SLCO3A1: variants seen among roughly 807,000 people sequenced by gnomAD.
SLCO3A1 encodes PGE1 transporter.
In SLCO3A1, 27 loss-of-function variants were observed where a neutral mutation model predicts 63.1. That is an observed-to-expected ratio of 0.43 (90% CI 0.32 to 0.59). SLCO3A1 has a LOEUF of 0.59. SLCO3A1 is among the 20% of genes least tolerant of loss of function. The probability of loss-of-function intolerance (pLI) is 0.09; values close to 1 mark genes in which losing one functional copy is unlikely to be tolerated. For synonymous variants in SLCO3A1, 473 were observed against 409.9 expected (o/e 1.15, Z -1.86); for missense variants, 773 against 945.8 (o/e 0.82, Z 2.40).
intron 2 of SLCO3A1, among the ~76,000 whole-genome samples, chr15:92,026,886 C>T (rs1447166422): frequency 6.6e-6 from 1 of 152,146 alleles, no homozygotes; most frequent in Non-Finnish European, 1.5e-5. Flanking sequence ...GTCAGGAGTT[C>T]AAGACCAGCC....
intron 2 of SLCO3A1, among the ~76,000 whole-genome samples, chr15:92,065,588 T>C (rs1382270668): frequency 6.6e-6 from 1 of 152,156 alleles, no homozygotes; most frequent in African/African-American, 2.4e-5. Context: ...AATAATTCAG[T>C]AGAGTTGCCA....
chr15:92,149,276 T>A (rs1051541843), intron 8 of SLCO3A1: 1 of 152,258 alleles, frequency 6.6e-6, no homozygotes, highest in Non-Finnish European at 1.5e-5. Flanking sequence ...CTAAATGACC[T>A]AGGCTTGTAA....
chr15:92,100,184 A>T (rs1487513585), intron 3 of SLCO3A1, among the ~76,000 whole-genome samples: 1 of 150,926 alleles, frequency 6.6e-6, no homozygotes, highest in Non-Finnish European at 1.5e-5. Flanking sequence ...TTCATGACAG[A>T]TATTTCATGG....
chr15:91,985,259 T>G (rs2046037340), intron 2 of SLCO3A1, among the ~76,000 whole-genome samples: 1 of 152,256 alleles, frequency 6.6e-6, no homozygotes, highest in African/African-American at 2.4e-5. Flanking sequence ...GCTTTTGCAG[T>G]ACATTCTCTT....
intron 5 of SLCO3A1, among the ~76,000 whole-genome samples, chr15:92,121,397 A>G (rs1596119482): frequency 6.6e-6 from 1 of 152,244 alleles, no homozygotes; most frequent in African/African-American, 2.4e-5. Flanking sequence ...GGAAGAATCA[A>G]CAATGGCTCT....
intron 2 of SLCO3A1, among the ~76,000 whole-genome samples, chr15:92,028,935 G>GTGTGTGTGTGTGTGTA (rs2046611380): frequency 6.6e-6 from 1 of 151,586 alleles, no homozygotes; most frequent in Non-Finnish European, 1.5e-5. Context: ...GTGTGTGTGT[G>GTGTGTGTGTGTGTGTA]TGTGTGTGTA....
intron 2 of SLCO3A1, among the ~76,000 whole-genome samples, chr15:92,074,505 G>C (rs1290941949): frequency 6.6e-6 from 1 of 152,176 alleles, no homozygotes; most frequent in Admixed American, 6.5e-5. Context: ...ACCTCACCAG[G>C]TGATCTGCCC....
At chr15:91,980,123 T>C (rs1005348494) in intron 2 of SLCO3A1, among the ~76,000 whole-genome samples, 2 of 152,166 alleles carry the variant, frequency 1.3e-5, no homozygotes, top group African/African-American at 4.8e-5. Flanking sequence ...TCTTCCTGAC[T>C]GCATTGTTAA....
At chr15:92,020,700 A>G (rs2046498254) in intron 2 of SLCO3A1, among the ~76,000 whole-genome samples, 2 of 152,238 alleles carry the variant, frequency 1.3e-5, no homozygotes, top group African/African-American at 4.8e-5. Flanking sequence ...GGGTCAGGCC[A>G]GTGCCATGAG....
intron 3 of SLCO3A1, among the ~76,000 whole-genome samples, chr15:92,097,722 TCCCGGAGGC>T (rs1424699559): frequency 3.7e-4 from 56 of 152,102 alleles, no homozygotes; most frequent in African/African-American, 1.2e-3. Flanking sequence ...TTTGCGTCCT[TCCCGGAGGC>T]ACCGTGAGGC....
At chr15:92,137,251 A>G (rs1177003177) in intron 7 of SLCO3A1, among the ~76,000 whole-genome samples, 2 of 113,202 alleles carry the variant, frequency 1.8e-5, no homozygotes, top group African/African-American at 8.7e-5. Flanking sequence ...GTGATAGTTT[A>G]CTGAGAATGA....
Position 91,872,789 on chromosome 15 carries a change from T to C in SLCO3A1, c.180+18701T>C, listed in dbSNP as rs1484859373. Among the ~76,000 whole-genome samples, 1 of 152,212 alleles carries C rather than the reference T, an allele frequency of 6.6e-6. No homozygotes were observed. Among genetic ancestry groups the C allele is most frequent in the African/African-American group, 2.4e-5 (1 of 41,454 alleles). On this transcript the variant is annotated intron_variant, in intron 1 of 9. Transcript: ENST00000318445. This position sits in a 1 kb window ranked among gnomAD's most constrained non-coding sequence, Gnocchi z 4.1. Reference sequence around the variant, plus strand: ...AACTGAGGGAAAAGGTAATGAACATTGAACATGACTTTACTGGGACCAGAG... The same window carrying C: ...AACTGAGGGAAAAGGTAATGAACATCGAACATGACTTTACTGGGACCAGAG...
At position 91,889,573 on chromosome 15, in the gene SLCO3A1, A is replaced by G. The variant is rs563318356; in HGVS notation, c.181-26420A>G. On this transcript the variant is annotated intron_variant, in intron 1 of 9. Transcript: ENST00000318445. ...GCAATTGCTGTTCGCTTAGTGTCAT[A>G]TATAGCATAATTATTGCACCTAGAA... Among the ~76,000 whole-genome samples, 4 of 152,376 alleles carry G rather than the reference A, an allele frequency of 2.6e-5. No individual in the cohort carries two copies. The South Asian group carries it at 8.3e-4, about 32-fold the overall frequency.
chr15:91,854,270 C>G lies in SLCO3A1; in HGVS notation c.180+182C>G. ...GGGAGCTGCCGGCCGGGGCTGCCAGCGAGCGGGTAGCGGGCGGGACCGTTG... is the reference window on the plus strand; with the variant it reads ...GGGAGCTGCCGGCCGGGGCTGCCAGGGAGCGGGTAGCGGGCGGGACCGTTG... On this transcript the variant is annotated intron_variant, in intron 1 of 9. Transcript: ENST00000318445. The surrounding 1 kb of genome is among the most constrained non-coding windows in gnomAD (Gnocchi z 6.4). 1.8e-6 allele frequency: 2 copies of G among 1,131,410 alleles called. No homozygotes were observed. Among genetic ancestry groups the G allele is most frequent in the African/African-American group, 1.6e-5 (1 of 61,022 alleles). 70.1% of individuals were successfully genotyped at this position (1,131,410 alleles called of 1,614,324 possible). A position where few individuals can be genotyped will look rare whatever the true frequency, so the allele number is the denominator to read the frequency against.
chr15:91,979,933 C>A (rs933764524), intron 2 of SLCO3A1, among the ~76,000 whole-genome samples: 2 of 152,206 alleles, frequency 1.3e-5, no homozygotes, highest in African/African-American at 4.8e-5. Flanking sequence ...CTCTCCTAGT[C>A]AGCCAAAACT....
At chr15:91,887,468 A>G (rs1389649301) in intron 1 of SLCO3A1, among the ~76,000 whole-genome samples, 6 of 152,146 alleles carry the variant, frequency 3.9e-5, no homozygotes, top group African/African-American at 1.4e-4. Context: ...CCATTCAGTG[A>G]CATGGTACTG....
At chr15:91,909,713 A>G (rs1423721788) in intron 1 of SLCO3A1, among the ~76,000 whole-genome samples, 1 of 152,188 alleles carries the variant, frequency 6.6e-6, no homozygotes, top group Non-Finnish European at 1.5e-5. Context: ...CTCATAGAGC[A>G]TCCTGCTCTC....
chr15:91,920,883 G>A (rs1898820827), intron 2 of SLCO3A1, among the ~76,000 whole-genome samples: 2 of 152,112 alleles, frequency 1.3e-5, no homozygotes, highest in Non-Finnish European at 2.9e-5. Flanking sequence ...AGCTTAGTTA[G>A]CTCTTCGGAG....
chr15:91,985,176 C>A (rs765121003), intron 2 of SLCO3A1, among the ~76,000 whole-genome samples: 2 of 152,114 alleles, frequency 1.3e-5, no homozygotes, highest in African/African-American at 2.4e-5. Flanking sequence ...ATATCTGTTA[C>A]CTTTTATTAC....
Sources: allele counts gnomAD v4.1 joint callset (sites outside exome capture counted in the v4.1 genomes callset), GRCh38; gene constraint gnomAD v4.1.1; non-coding constraint Gnocchi (gnomAD v3.1); transcripts MANE v1.5; gene names NCBI Gene and HGNC (gene_info 2026-07-23, HGNC 2026-07-21).